The following ZNF324B variants were observed in gnomAD, a reference collection of about 807,000 sequenced individuals.
ZNF324B encodes zinc finger protein 324B.
A neutral mutation model predicts 10.6 loss-of-function variants in ZNF324B; 7 were observed. The observed-to-expected ratio is 0.66, with a 90% CI of 0.38 to 1.24. The LOEUF is 1.24. ZNF324B is among the 50% of genes most tolerant of loss of function. ZNF324B has a pLI of 0.02. For missense variants in ZNF324B, 640 were observed against 764.7 expected (o/e 0.84, Z 1.92); for synonymous variants, 316 against 321.0 (o/e 0.98, Z 0.17).
At chr19:58,449,224 G>A (rs1410666255), upstream of ZNF324B, among the ~76,000 whole-genome samples, 5 of 152,234 alleles carry the variant, frequency 3.3e-5, no homozygotes, top group Non-Finnish European at 7.3e-5. Context: ...CAGAACTCAA[G>A]AACTGAGGTT....
the ZNF324B span, among the ~76,000 whole-genome samples, chr19:58,426,532 A>G: frequency 6.6e-6 from 1 of 152,186 alleles, no homozygotes; most frequent in Non-Finnish European, 1.5e-5. Flanking sequence ...GCCAAGCCAG[A>G]GAAGGTTACT....
In ZNF324B at chr19:58,456,692, C is replaced by A; in HGVS notation, c.*113C>A. ...GGGGAAAAGCTCTGTGCCTGAGAGTCAGGGACGAGGGAGACCCTTTGGCTG... is the reference window on the plus strand; with the variant it reads ...GGGGAAAAGCTCTGTGCCTGAGAGTAAGGGACGAGGGAGACCCTTTGGCTG... On this transcript the variant is annotated 3_prime_UTR_variant, in exon 4 of 4. Coordinates refer to ENST00000336614, the MANE Select transcript of ZNF324B (RefSeq NM_207395.3). The surrounding 1 kb of genome is among the most constrained non-coding windows in gnomAD (Gnocchi z 4.7). 1.5e-6 allele frequency: 2 copies of A among 1,339,666 alleles called. No individual in the cohort carries two copies. The highest frequency in any genetic ancestry group is 1.4e-5 in the South Asian group (1 of 69,478). The allele number at this position is 1,339,666 out of a possible 1,614,324, so 83.0% of individuals were successfully genotyped here. A position where few individuals can be genotyped will look rare whatever the true frequency, so the allele number is the denominator to read the frequency against.
chr19:58,443,611 A>G, the ZNF324B span: 1 of 152,248 alleles, frequency 6.6e-6, no homozygotes, highest in Non-Finnish European at 1.5e-5. Context: ...GAAGTCTCAA[A>G]ACCTGTGTAG....
At chr19:58,446,898 T>G (rs28528770), upstream of ZNF324B, among the ~76,000 whole-genome samples, 1,487 of 151,750 alleles carry the variant, frequency 9.8e-3, 24 homozygotes, top group African/African-American at 0.034. Context: ...CTTTTCTTTT[T>G]TCTTTTCTTT....
At chr19:58,434,730 G>T in the ZNF324B span, 103 of 1,614,076 alleles carry the variant, frequency 6.4e-5, 1 homozygote, top group Middle Eastern at 3.3e-4. Context: ...CACAGTTGCT[G>T]CACTCGAAGA....
intron 1 of ZNF324B, 133 bp from the exon 2 acceptor site, chr19:58,453,563 C>T: frequency 7.9e-7 from 1 of 1,270,304 alleles, no homozygotes; most frequent in Non-Finnish European, 1.1e-6. Context: ...GGAAGTGCCA[C>T]CTGAAGATAA....
chr19:58,434,621 C>T, the ZNF324B span: 2 of 1,614,194 alleles, frequency 1.2e-6, no homozygotes, highest in Non-Finnish European at 1.7e-6. Context: ...ATTGATTTCT[C>T]CTCTAAGAAA....
At chr19:58,436,461 T>C in the ZNF324B span, among the ~76,000 whole-genome samples, 6 of 151,856 alleles carry the variant, frequency 4.0e-5, no homozygotes, top group East Asian at 1.2e-3. Flanking sequence ...GGTCAGGAGA[T>C]TGAGACCATC....
At chr19:58,434,037 G>A in the ZNF324B span, 21 of 1,613,930 alleles carry the variant, frequency 1.3e-5, no homozygotes, top group Non-Finnish European at 1.6e-5. Context: ...GGGAGCTTTG[G>A]CTGAAGTCTC....
At chr19:58,436,446 C>T in the ZNF324B span, 1 of 156,730 alleles carries the variant, frequency 6.4e-6, no homozygotes, top group Non-Finnish European at 1.4e-5. Flanking sequence ...GTGGGTGGAT[C>T]ACGAGGTCAG....
chr19:58,419,035 C>T, the ZNF324B span: 6 of 152,140 alleles, frequency 3.9e-5, no homozygotes, highest in Non-Finnish European at 8.8e-5. Flanking sequence ...TTTTCTGCCT[C>T]AGTGGGGATG....
At chr19:58,427,289 T>TTTTTTCTTTCTTTC in the ZNF324B span, among the ~76,000 whole-genome samples, 15 of 134,090 alleles carry the variant, frequency 1.1e-4, no homozygotes, top group Non-Finnish European at 1.1e-4. Context: ...CATGCCTGGC[T>TTTTTTCTTTCTTTC]TTTTTCTTTC....
the ZNF324B span, chr19:58,437,778 A>G: frequency 1.0e-6 from 1 of 985,306 alleles, no homozygotes; most frequent in Non-Finnish European, 1.2e-6. Context: ...ACAGAGCTCC[A>G]AAAACCCCAC....
the ZNF324B span, chr19:58,434,776 A>G: frequency 3.2e-5 from 52 of 1,614,200 alleles, no homozygotes; most frequent in African/African-American, 5.6e-4. Context: ...AAGCTGCCCA[A>G]GATTGGAATA....
the ZNF324B span, chr19:58,433,739 T>C: frequency 2.9e-5 from 47 of 1,613,984 alleles, no homozygotes; most frequent in Non-Finnish European, 3.4e-5. Context: ...TCATAAGGCC[T>C]TTCTTTTGTG....
chr19:58,443,421 A>G, the ZNF324B span: 1 of 152,284 alleles, frequency 6.6e-6, no homozygotes, highest in Non-Finnish European at 1.5e-5. Context: ...CTGCATAAAC[A>G]ACCCCCACAC....
chr19:58,425,269 AG>A, the ZNF324B span, among the ~76,000 whole-genome samples: 1 of 151,524 alleles, frequency 6.6e-6, no homozygotes, highest in Admixed American at 6.6e-5. Flanking sequence ...AAAAAAAAAA[AG>A]ATGGGGTCTT....
Position 58,455,449 on chromosome 19 carries a change from C to A in ZNF324B, c.505C>A (p.Pro169Thr). The A allele has an allele frequency of 6.2e-7, 1 of 1,614,164 alleles. No individual in the cohort carries two copies. The highest frequency in any genetic ancestry group is 8.5e-7 in the Non-Finnish European group (1 of 1,180,006). ...GCGACTGACCTCCCCACTCAGGCCC[C>A]CCAAGAGCAGCCGGCCCAGGGAAAA... is the stretch of plus-strand genomic sequence containing the variant. ...SLRLTSPLRP[P>T]KSSRPREKTF... is the part of the protein sequence containing the mutation. The change falls in exon 4 of 4, where the codon CCC becomes ACC. Residue 169 changes from proline to threonine, a missense_variant. Physicochemically the swap from Pro to Thr is conservative, Grantham distance 38. This residue lies in a region of ZNF324B where 345 missense variants were observed against 387.9 expected (regional missense o/e 0.89). Coordinates refer to ENST00000336614, the MANE Select transcript of ZNF324B (RefSeq NM_207395.3). This position sits in a 1 kb window ranked among gnomAD's most constrained non-coding sequence, Gnocchi z 7.0.
Position 58,455,385 on chromosome 19 carries a change from C to T in ZNF324B, c.441C>T (p.Leu147=), listed in dbSNP as rs1448525798. Residue 147 remains leucine (L), a synonymous_variant, in exon 4 of 4, where the codon CTC becomes CTT. Coordinates refer to ENST00000336614, the MANE Select transcript of ZNF324B (RefSeq NM_207395.3). This position sits in a 1 kb window ranked among gnomAD's most constrained non-coding sequence, Gnocchi z 7.0. ...TGVSVIYWER[L]LLGSRSDQAS... is the part of the protein sequence containing the mutation. ...TGTCGGTGATCTACTGGGAGAGGCTCCTGCTAGGCTCGCGCAGTGACCAGG... is the reference window on the plus strand; with the variant it reads ...TGTCGGTGATCTACTGGGAGAGGCTTCTGCTAGGCTCGCGCAGTGACCAGG... The T allele has an allele frequency of 6.8e-6, 11 of 1,614,224 alleles. No homozygotes were observed. Among genetic ancestry groups the T allele is most frequent in the Non-Finnish European group, 9.3e-6 (11 of 1,180,028 alleles).
Sources: gnomAD v4.1 joint callset for allele counts (sites outside exome capture counted in the v4.1 genomes callset) on GRCh38, gnomAD v4.1.1 for gene constraint, gnomAD v4.1.1 regional missense constraint, Gnocchi (gnomAD v3.1) non-coding constraint, MANE v1.5 for transcripts, NCBI Gene and HGNC (gene_info 2026-07-23, HGNC 2026-07-21) for gene names.